Variants in LRMDA observed in about 807,000 individuals in gnomAD.
LRMDA encodes leucine rich melanocyte differentiation associated.
LRMDA carries 18 observed loss-of-function variants against 29.8 expected under a neutral mutation model. The ratio of observed to expected loss-of-function variants is 0.60; its 90% CI spans 0.42 to 0.90. The LOEUF (loss-of-function observed/expected upper bound fraction) is 0.90, where lower values mean the gene tolerates loss of function less well. Ranked by LOEUF, LRMDA falls within the 40% of genes least tolerant of loss-of-function variation. The pLI, the probability that LRMDA is intolerant of heterozygous loss-of-function variation, is 0.00. For synonymous variants in LRMDA, 125 were observed against 109.4 expected, an observed-to-expected ratio of 1.14 and a Z score of -0.89; for missense variants, 273 against 273.9, an observed-to-expected ratio of 1.00 and a Z score of 0.02.
rs181641506 is a variant in LRMDA at position 75,729,132 on chromosome 10, G to A, written c.131+290638G>A. ...ATATTTTATAACAACTCATGCAGTC[G>A]TCTCCCTTACCAGATAGAAAGCTGC... On this transcript the variant is annotated intron_variant, in intron 2 of 6. Transcript: ENST00000611255. Among the ~76,000 whole-genome samples the A allele has an allele frequency of 5.3e-5, 8 of 152,290 alleles. No homozygotes were observed. The East Asian group carries it at 9.7e-4, about 18-fold the overall frequency.
At chr10:76,492,455 C>A (rs1358409148) in intron 6 of LRMDA, among the ~76,000 whole-genome samples, 1 of 152,046 alleles carries the variant, frequency 6.6e-6, no homozygotes, top group Non-Finnish European at 1.5e-5. Context: ...AGAGATACCA[C>A]CTTGGTGGTC....
intron 5 of LRMDA, among the ~76,000 whole-genome samples, chr10:76,305,335 T>C (rs983026201): frequency 5.3e-5 from 8 of 152,122 alleles, no homozygotes; most frequent in Admixed American, 1.3e-4. Context: ...TCAGGAAAAA[T>C]GTTGGAAAAT....
chr10:76,222,834 C>G, intron 5 of LRMDA, among the ~76,000 whole-genome samples: 1 of 152,142 alleles, frequency 6.6e-6, no homozygotes, highest in South Asian at 2.1e-4. Flanking sequence ...TATTGCGGCA[C>G]TATTCACAAT....
At chr10:75,728,328 G>A (rs1013606305) in intron 2 of LRMDA, among the ~76,000 whole-genome samples, 1 of 151,802 alleles carries the variant, frequency 6.6e-6, no homozygotes, top group Admixed American at 6.6e-5. Context: ...AAAATGATAG[G>A]GATTGTACAT....
At chr10:75,827,518 C>A (rs1168151737) in intron 2 of LRMDA, among the ~76,000 whole-genome samples, 1 of 152,166 alleles carries the variant, frequency 6.6e-6, no homozygotes, top group Non-Finnish European at 1.5e-5. Flanking sequence ...GGAATGAACA[C>A]CCTCCTCATC....
At chr10:76,112,349 C>A (rs1246759748) in intron 5 of LRMDA, among the ~76,000 whole-genome samples, 2 of 152,200 alleles carry the variant, frequency 1.3e-5, no homozygotes, top group East Asian at 3.9e-4. Context: ...CCCTGCTTAT[C>A]GCTAAGTGAG....
intron 2 of LRMDA, among the ~76,000 whole-genome samples, chr10:75,880,011 C>T (rs1294755611): frequency 6.6e-6 from 1 of 152,078 alleles, no homozygotes; most frequent in Non-Finnish European, 1.5e-5. Context: ...TAGCAATATT[C>T]TCGTAGATTT....
intron 2 of LRMDA, among the ~76,000 whole-genome samples, chr10:75,943,368 A>G (rs1257327069): frequency 6.6e-6 from 1 of 152,192 alleles, no homozygotes. Context: ...ACCATTTTAC[A>G]GATGAGAAAA....
chr10:76,311,012 C>T (rs2758976), intron 5 of LRMDA, among the ~76,000 whole-genome samples: 97,778 of 152,012 alleles, frequency 0.64, 34,078 homozygotes, highest in Non-Finnish European at 0.81. Flanking sequence ...TGTCTGAGAA[C>T]TATAGACTCA....
At chr10:76,180,912 G>A (rs938448456) in intron 5 of LRMDA, among the ~76,000 whole-genome samples, 4 of 152,160 alleles carry the variant, frequency 2.6e-5, no homozygotes, top group African/African-American at 4.8e-5. Flanking sequence ...GGTGGGAACA[G>A]GTGACAGGCA....
intron 6 of LRMDA, among the ~76,000 whole-genome samples, chr10:76,392,985 G>T (rs899727349): frequency 1.3e-5 from 2 of 152,042 alleles, no homozygotes; most frequent in Non-Finnish European, 2.9e-5. Flanking sequence ...TAATCTCCAG[G>T]TTCATCCATG....
chr10:75,985,003 A>C (rs552750907), intron 2 of LRMDA, among the ~76,000 whole-genome samples: 1 of 152,328 alleles, frequency 6.6e-6, no homozygotes, highest in East Asian at 1.9e-4. Flanking sequence ...CATAGGCTTT[A>C]TATGAACTTA....
chr10:75,877,213 G>A (rs1845212846), intron 2 of LRMDA, among the ~76,000 whole-genome samples: 1 of 152,146 alleles, frequency 6.6e-6, no homozygotes, highest in Non-Finnish European at 1.5e-5. Flanking sequence ...ATTCTCTGCT[G>A]GGCTTACGTC....
chr10:76,208,448 A>T (rs1400382054), intron 5 of LRMDA, among the ~76,000 whole-genome samples: 1 of 152,216 alleles, frequency 6.6e-6, no homozygotes, highest in African/African-American at 2.4e-5. Flanking sequence ...AAGTGGGACT[A>T]ATCACAGGGC....
chr10:75,803,463 G>A (rs1843792444), intron 2 of LRMDA, among the ~76,000 whole-genome samples: 1 of 152,198 alleles, frequency 6.6e-6, no homozygotes, highest in Non-Finnish European at 1.5e-5. Flanking sequence ...GTAAGAGGTT[G>A]CATGGCACTG....
intron 6 of LRMDA, among the ~76,000 whole-genome samples, chr10:76,326,988 G>A (rs1339093397): frequency 6.6e-6 from 1 of 151,832 alleles, no homozygotes; most frequent in Non-Finnish European, 1.5e-5. Context: ...TCTTCTAGGT[G>A]CAATTGTTCA....
intron 2 of LRMDA, among the ~76,000 whole-genome samples, chr10:76,012,153 G>A (rs1847794059): frequency 6.6e-6 from 1 of 152,182 alleles, no homozygotes; most frequent in Admixed American, 6.5e-5. Context: ...GTAAAGTCCT[G>A]CTGTCAACAT....
intron 3 of LRMDA, among the ~76,000 whole-genome samples, chr10:76,036,870 C>G (rs1321983092): frequency 6.6e-6 from 1 of 152,154 alleles, no homozygotes; most frequent in Non-Finnish European, 1.5e-5. Flanking sequence ...TAGTGGATTA[C>G]CCGGCACTAG....
At chr10:75,639,895 G>A (rs1030735917) in intron 2 of LRMDA, among the ~76,000 whole-genome samples, 3 of 152,194 alleles carry the variant, frequency 2.0e-5, no homozygotes, top group Non-Finnish European at 2.9e-5. Flanking sequence ...TGAGGAGCAC[G>A]GCACTGCATC....
Sources: allele counts gnomAD v4.1 joint callset (sites outside exome capture counted in the v4.1 genomes callset), GRCh38; gene constraint gnomAD v4.1.1; transcripts MANE v1.5; gene names NCBI Gene and HGNC (gene_info 2026-07-23, HGNC 2026-07-21).